AGGF1: variants seen among roughly 807,000 people sequenced by gnomAD.
The protein encoded by AGGF1 is angiogenic factor with G-patch and FHA domains 1, also known as angiogenic factor with G patch and FHA domains 1.
Under a neutral mutation model 86.5 loss-of-function variants are expected in AGGF1, and 56 were observed. That is an observed-to-expected ratio of 0.65 (90% CI 0.52 to 0.81). The LOEUF is 0.81. AGGF1 is among the 30% of genes least tolerant of loss of function. AGGF1 has a pLI of 0.00. For missense variants in AGGF1, 816 were observed against 850.9 expected, an observed-to-expected ratio of 0.96 and a Z score of 0.51; for synonymous variants, 313 against 297.1, an observed-to-expected ratio of 1.05 and a Z score of -0.55.
chr5:77,045,078 AAG>A (rs1491253433), intron 5 of AGGF1, among the ~76,000 whole-genome samples: 1 of 151,928 alleles, frequency 6.6e-6, no homozygotes, highest in African/African-American at 2.4e-5. Flanking sequence ...AAAAAAAAAA[AAG>A]AAAGAAAGGT....
Position 77,030,790 on chromosome 5 carries a change from G to T in AGGF1, c.24G>T (p.Pro8=). 1 of 1,589,682 alleles carries T rather than the reference G, an allele frequency of 6.3e-7. No homozygotes were observed. The highest frequency in any genetic ancestry group is 1.3e-5 in the African/African-American group (1 of 74,658). Residue 8 remains proline (P), a synonymous_variant, in exon 1 of 14, where the codon CCG becomes CCT. Coordinates refer to ENST00000312916, the MANE Select transcript of AGGF1 (RefSeq NM_018046.5). The part of the protein sequence containing the change: MASEAPS[P]PRSPPPPTSP... The stretch of plus-strand genomic sequence containing the variant: ...TCATGGCCTCGGAGGCGCCGTCCCC[G>T]CCGCGGTCGCCGCCGCCGCCCACCT...
chr5:77,040,546 G>A (rs901834954), intron 5 of AGGF1, among the ~76,000 whole-genome samples: 3 of 152,054 alleles, frequency 2.0e-5, no homozygotes, highest in African/African-American at 7.2e-5. Flanking sequence ...ATTTAAAAAA[G>A]TATTATGTAG....
intron 12 of AGGF1, among the ~76,000 whole-genome samples, 194 bp downstream of exon 12, chr5:77,059,937 G>T (rs1261753516): frequency 1.3e-5 from 2 of 152,178 alleles, no homozygotes; most frequent in African/African-American, 2.4e-5. Context: ...CATCTCCCGG[G>T]TTCAGGCGAT....
intron 12 of AGGF1, among the ~76,000 whole-genome samples, chr5:77,060,214 C>T (rs1052477637): frequency 1.7e-4 from 26 of 152,170 alleles, no homozygotes; most frequent in Admixed American, 1.3e-3. Flanking sequence ...TTCCACTAAT[C>T]TTGGAATTCT....
rs181950790 is a variant in AGGF1, at chr5:77,051,880, A to T, written c.1366-826A>T. ...TACCATTCAGCAAAATGAATGAACG[A>T]CAACTCTATAACTGTGTATAACAAC... is the stretch of plus-strand genomic sequence containing the variant. On this transcript the variant is annotated intron_variant, in intron 8 of 13. Transcript: ENST00000312916. 2.6e-5 allele frequency among the ~76,000 whole-genome samples: 4 copies of T among 152,348 alleles called. No homozygotes were observed. In the East Asian group the frequency reaches 7.7e-4, roughly 29 times the overall value.
chr5:77,043,688 C>T (rs1226220915), intron 5 of AGGF1, among the ~76,000 whole-genome samples: 1 of 131,464 alleles, frequency 7.6e-6, no homozygotes, highest in African/African-American at 2.7e-5. Flanking sequence ...TGATCCCCCC[C>T]ACCTCCCTCC....
In AGGF1 at chr5:77,046,692, A is replaced by G; in HGVS notation, c.1201+15A>G. 1.2e-6 allele frequency: 2 copies of G among 1,609,898 alleles called. No individual in the cohort carries two copies. The highest frequency in any genetic ancestry group is 1.7e-6 in the Non-Finnish European group (2 of 1,176,402). ...TGAGGATGAAGGTGAGTAAATAATC[A>G]TTATTTAAGTAAATAGCCCAGTCTG... On this transcript the variant is annotated intron_variant, in intron 6 of 13. Coordinates refer to ENST00000312916, the MANE Select transcript of AGGF1 (RefSeq NM_018046.5).
At position 77,061,801 on chromosome 5, in the gene AGGF1, C is replaced by G; in HGVS notation, c.1943C>G (p.Pro648Arg). 6.2e-7 allele frequency: 1 copy of G among 1,609,744 alleles called. No individual in the cohort carries two copies. Among genetic ancestry groups the G allele is most frequent in the Non-Finnish European group, 8.5e-7 (1 of 1,176,292 alleles). Residue 648 changes from proline (P) to arginine (R), a missense_variant and splice_region_variant, in exon 13 of 14, where the codon CCG becomes CGG. Coordinates refer to ENST00000312916, the MANE Select transcript of AGGF1 (RefSeq NM_018046.5). Reference sequence around the variant, plus strand: ...AAGGATGGTGGAGGAATGAAAACGCCGGTAAGACTTGGATTTTCTTTTATT... The same window carrying G: ...AAGGATGGTGGAGGAATGAAAACGCGGGTAAGACTTGGATTTTCTTTTATT... ...LGKDGGGMKTPIQLQLRRTHA... is the reference protein window; with the variant it reads ...LGKDGGGMKTRIQLQLRRTHA...
intron 7 of AGGF1, 82 bp downstream of exon 7, chr5:77,048,354 TTTG>T: frequency 1.7e-6 from 2 of 1,195,444 alleles, no homozygotes; most frequent in Non-Finnish European, 2.4e-6. Flanking sequence ...TGTTTGTTTG[TTTG>T]TTTTTTGTTT....
At chr5:77,057,849 G>T (rs1384802978) in intron 11 of AGGF1, among the ~76,000 whole-genome samples, 2 of 152,210 alleles carry the variant, frequency 1.3e-5, no homozygotes, top group Non-Finnish European at 2.9e-5. Context: ...ACAGAGCCTG[G>T]ACTGTTTTAG....
chr5:77,043,733 A>C (rs1382132618), intron 5 of AGGF1, among the ~76,000 whole-genome samples: 2 of 131,342 alleles, frequency 1.5e-5, no homozygotes, highest in Admixed American at 7.4e-5. Flanking sequence ...GACGCTCCTC[A>C]CTTCCCAGAT....
At chr5:77,043,632 AC>A (rs1280889180) in intron 5 of AGGF1, among the ~76,000 whole-genome samples, 2 of 64,344 alleles carry the variant, frequency 3.1e-5, no homozygotes, top group African/African-American at 1.3e-4. Flanking sequence ...GGGGGGGCTG[AC>A]CCCCCACCTC....
At chr5:77,052,110 T>G (rs936881940) in intron 8 of AGGF1, among the ~76,000 whole-genome samples, 22 of 152,132 alleles carry the variant, frequency 1.4e-4, no homozygotes, top group African/African-American at 4.6e-4. Context: ...CCCAGCACTT[T>G]GGGAGGCTGA....
intron 5 of AGGF1, among the ~76,000 whole-genome samples, chr5:77,043,498 C>CAT (rs1747173771): frequency 1.1e-5 from 1 of 90,494 alleles, no homozygotes; most frequent in Non-Finnish European, 2.5e-5. Flanking sequence ...GACCCCCCCA[C>CAT]CTCCCTCCCG....
chr5:77,061,652 T>C (rs992181819), intron 12 of AGGF1, 51 bp from the exon 13 acceptor site: 6 of 1,510,988 alleles, frequency 4.0e-6, no homozygotes, highest in Admixed American at 1.7e-5. Flanking sequence ...ATTATAAATG[T>C]GACCTAAAAG....
intron 5 of AGGF1, 97 bp downstream of exon 5, chr5:77,039,816 C>T: frequency 6.8e-6 from 7 of 1,028,440 alleles, no homozygotes; most frequent in Non-Finnish European, 1.0e-5. Flanking sequence ...AATAACTCTG[C>T]ATTTCAAACA....
In AGGF1 at chr5:77,035,734, A is replaced by C; in HGVS notation, c.507A>C (p.Ser169=). The C allele has an allele frequency of 6.2e-7, 1 of 1,613,074 alleles. No homozygotes were observed. The highest frequency in any genetic ancestry group is 8.5e-7 in the Non-Finnish European group (1 of 1,179,202). The change falls in exon 3 of 14, where the codon TCA becomes TCC. Residue 169 remains serine (S), a synonymous_variant. Transcript: ENST00000312916. ...ATAGACAAGTGGACCATTTTGCCTC[A>C]AATTCACAGGTAATAAAATGCTAAA... is the stretch of plus-strand genomic sequence containing the variant. ...VKYRQVDHFA[S]NSQEPASALA... is the part of the protein sequence containing the mutation.
At chr5:77,032,373 C>A (rs1746881739) in intron 1 of AGGF1, among the ~76,000 whole-genome samples, 1 of 151,452 alleles carries the variant, frequency 6.6e-6, no homozygotes, top group South Asian at 2.1e-4. Flanking sequence ...CGAGACCATC[C>A]TGGCTAACAC....
At chr5:77,032,666 G>T (rs1435848095) in intron 1 of AGGF1, among the ~76,000 whole-genome samples, 1 of 151,242 alleles carries the variant, frequency 6.6e-6, no homozygotes, top group Admixed American at 6.6e-5. Flanking sequence ...CTAAATTGTT[G>T]AAGTACTGCT....
Sources: gnomAD v4.1 joint callset for allele counts (sites outside exome capture counted in the v4.1 genomes callset) on GRCh38, gnomAD v4.1.1 for gene constraint, MANE v1.5 for transcripts, NCBI Gene and HGNC (gene_info 2026-07-23, HGNC 2026-07-21) for gene names.